Variants in NUCB2 observed in about 807,000 individuals in gnomAD.
The protein encoded by NUCB2 is nucleobindin-2.
In NUCB2, 48 loss-of-function variants were observed where a neutral mutation model predicts 57.9. The observed-to-expected ratio is 0.83, with a 90% CI of 0.66 to 1.05. NUCB2 has a LOEUF of 1.05. Ranked by LOEUF, NUCB2 falls within the 50% of genes least tolerant of loss-of-function variation. The pLI, the probability that NUCB2 is intolerant of heterozygous loss-of-function variation, is 0.00. For missense variants in NUCB2, 442 were observed against 476.2 expected (o/e 0.93, Z 0.67); for synonymous variants, 139 against 152.1 (o/e 0.91, Z 0.64).
At chr11:17,318,865 A>G (rs1241710128) in intron 11 of NUCB2, among the ~76,000 whole-genome samples, 3 of 152,202 alleles carry the variant, frequency 2.0e-5, no homozygotes, top group African/African-American at 7.2e-5. Context: ...TTCCACCATT[A>G]AAAACGTGTG....
chr11:17,325,015 C>T (rs759549645), intron 11 of NUCB2, among the ~76,000 whole-genome samples: 2 of 152,084 alleles, frequency 1.3e-5, no homozygotes, highest in African/African-American at 4.8e-5. Flanking sequence ...ATTGGCCAGG[C>T]TGGTCTTGAA....
chr11:17,284,310 G>A (rs1483997140), intron 2 of NUCB2, among the ~76,000 whole-genome samples: 3 of 152,040 alleles, frequency 2.0e-5, no homozygotes, highest in South Asian at 2.1e-4. Context: ...GAGCCACCGT[G>A]CCCAGCCCCT....
chr11:17,347,641 CAACT>C (rs1376343241), intron 2 of NUCB2, among the ~76,000 whole-genome samples: 4 of 152,082 alleles, frequency 2.6e-5, no homozygotes, highest in African/African-American at 9.7e-5. Context: ...CAAATTTCAC[CAACT>C]GTCTCAATAC....
At chr11:17,344,445 A>G (rs1274044689) in intron 2 of NUCB2, among the ~76,000 whole-genome samples, 1 of 152,146 alleles carries the variant, frequency 6.6e-6, no homozygotes, top group Non-Finnish European at 1.5e-5. Context: ...TTTCCTCTCT[A>G]TATGCGCTCC....
chr11:17,339,180 G>T (rs1303482677), intron 2 of NUCB2, among the ~76,000 whole-genome samples: 4 of 151,166 alleles, frequency 2.6e-5, no homozygotes, highest in Non-Finnish European at 4.4e-5. Flanking sequence ...TAGAGACGGG[G>T]TTTTGCCATG....
chr11:17,293,190 G>A (rs547510201), intron 2 of NUCB2, among the ~76,000 whole-genome samples: 16 of 151,014 alleles, frequency 1.1e-4, no homozygotes, highest in African/African-American at 3.7e-4. Flanking sequence ...GGAGGCAGAG[G>A]TTGCAGTGAG....
At chr11:17,286,378 T>A (rs1591223440) in intron 2 of NUCB2, among the ~76,000 whole-genome samples, 1 of 152,196 alleles carries the variant, frequency 6.6e-6, no homozygotes, top group Non-Finnish European at 1.5e-5. Context: ...GAAGAGAGAT[T>A]AGCTTTCTTT....
At position 17,330,316 on chromosome 11, in the gene NUCB2, A is replaced by AT; in HGVS notation, c.1173+21dup. On this transcript the variant is annotated intron_variant, in intron 12 of 13. Transcript: ENST00000529010. The surrounding 1 kb of genome is among the most constrained non-coding windows in gnomAD (Gnocchi z 4.3). ...TCATCAGGTGGCATTTTGTCAAAAG[A>AT]TTATGGCATTAAAAAGATTTTAGGT... 1 of 1,568,300 alleles carries AT rather than the reference A, an allele frequency of 6.4e-7. No individual in the cohort carries two copies. The highest frequency in any genetic ancestry group is 8.6e-7 in the Non-Finnish European group (1 of 1,162,806).
At chr11:17,314,238 A>C (rs992374859) in intron 10 of NUCB2, among the ~76,000 whole-genome samples, 1 of 152,118 alleles carries the variant, frequency 6.6e-6, no homozygotes, top group African/African-American at 2.4e-5. Flanking sequence ...ATCAAGTCCA[A>C]GCAAGTCTCC....
intron 4 of NUCB2, 129 bp downstream of exon 4, chr11:17,296,340 C>G: frequency 2.2e-6 from 1 of 455,196 alleles, no homozygotes; most frequent in Non-Finnish European, 3.8e-6. Context: ...ACCTCAGTCT[C>G]TCCAGTAGTT....
downstream of NUCB2, among the ~76,000 whole-genome samples, chr11:17,335,790 G>A (rs574055835): frequency 3.3e-5 from 5 of 151,110 alleles, no homozygotes; most frequent in African/African-American, 4.9e-5. Context: ...GTGAGCCACC[G>A]CGCCCAGCCT....
intron 5 of NUCB2, among the ~76,000 whole-genome samples, chr11:17,305,819 C>G (rs1327961313): frequency 6.6e-6 from 1 of 151,732 alleles, no homozygotes; most frequent in Non-Finnish European, 1.5e-5. Context: ...GAGAAAATCT[C>G]ACTGTGTTCC....
chr11:17,341,950 C>CT (rs889252958), intron 2 of NUCB2, among the ~76,000 whole-genome samples: 1 of 152,100 alleles, frequency 6.6e-6, no homozygotes, highest in African/African-American at 2.4e-5. Context: ...TGGTCCTGGA[C>CT]TTTTTTTGGT....
Position 17,311,696 on chromosome 11 carries a change from G to A in NUCB2, c.761-176G>A, listed in dbSNP as rs749389076. On this transcript the variant is annotated intron_variant, in intron 8 of 13. Coordinates refer to ENST00000529010, the MANE Select transcript of NUCB2 (RefSeq NM_005013.4). ...TGATTATGAATTACAAATAAATACA[G>A]CATATTTATCAGTTCAGCTGATCTA... 17 of 499,068 alleles carry A rather than the reference G, an allele frequency of 3.4e-5. No homozygotes were observed. The Middle Eastern group carries it at 1.6e-3, about 47-fold the overall frequency. The allele number at this position is 499,068 out of a possible 1,614,324, so 30.9% of individuals were successfully genotyped here. A position where few individuals can be genotyped will look rare whatever the true frequency, so the allele number is the denominator to read the frequency against.
intron 11 of NUCB2, among the ~76,000 whole-genome samples, chr11:17,317,904 C>T (rs941555965): frequency 6.6e-6 from 1 of 151,068 alleles, no homozygotes; most frequent in East Asian, 1.9e-4. Flanking sequence ...TCCCGAACTC[C>T]TGGGCTCAAG....
chr11:17,302,556 TTTTC>T (rs143060694), intron 5 of NUCB2, among the ~76,000 whole-genome samples: 54 of 152,158 alleles, frequency 3.5e-4, no homozygotes, highest in Admixed American at 7.2e-4. Flanking sequence ...AGACCATTTC[TTTTC>T]TTTCTTTTTT....
intron 11 of NUCB2, among the ~76,000 whole-genome samples, chr11:17,320,721 C>A (rs551766661): frequency 1.3e-5 from 2 of 152,218 alleles, no homozygotes; most frequent in East Asian, 1.9e-4. Flanking sequence ...ATACTATGAT[C>A]AAAAATTACT....
intron 2 of NUCB2, among the ~76,000 whole-genome samples, chr11:17,345,617 G>C (rs1244398365): frequency 6.6e-6 from 1 of 152,196 alleles, no homozygotes; most frequent in Non-Finnish European, 1.5e-5. Context: ...TGAGGCAGGA[G>C]AATCACTTGA....
intron 10 of NUCB2, among the ~76,000 whole-genome samples, chr11:17,315,013 T>C (rs1949036213): frequency 6.6e-6 from 1 of 152,204 alleles, no homozygotes; most frequent in Non-Finnish European, 1.5e-5. Flanking sequence ...CTTTCTGGAA[T>C]GGTTCTTTTT....
Sources: gnomAD v4.1 joint callset for allele counts (sites outside exome capture counted in the v4.1 genomes callset) on GRCh38, gnomAD v4.1.1 for gene constraint, Gnocchi (gnomAD v3.1) non-coding constraint, MANE v1.5 for transcripts, NCBI Gene and HGNC (gene_info 2026-07-23, HGNC 2026-07-21) for gene names.